TYW1B: variants seen among roughly 807,000 people sequenced by gnomAD.
TYW1B encodes S-adenosyl-L-methionine-dependent tRNA 4-demethylwyosine synthase TYW1B.
Under a neutral mutation model 86.9 loss-of-function variants are expected in TYW1B, and 73 were observed. That is an observed-to-expected ratio of 0.84 (90% CI 0.70 to 1.02). TYW1B has a LOEUF of 1.02. TYW1B is among the 50% of genes least tolerant of loss of function. The pLI, the probability that TYW1B is intolerant of heterozygous loss-of-function variation, is 0.00. For synonymous variants in TYW1B, 248 were observed against 292.8 expected, an observed-to-expected ratio of 0.85 and a Z score of 1.56; for missense variants, 637 against 827.4, an observed-to-expected ratio of 0.77 and a Z score of 2.82.
chr7:72,711,201 G>A (rs569137720), intron 10 of TYW1B, among the ~76,000 whole-genome samples: 2 of 152,200 alleles, frequency 1.3e-5, no homozygotes, highest in African/African-American at 4.8e-5. Context: ...ACTAAGATAG[G>A]GAGGCTAAAA....
intron 13 of TYW1B, among the ~76,000 whole-genome samples, chr7:72,599,952 C>A (rs117547381): frequency 2.0e-4 from 31 of 152,206 alleles, no homozygotes; most frequent in Non-Finnish European, 3.8e-4. Flanking sequence ...TTTTTCCCAA[C>A]TGTGTTTGTA....
intron 11 of TYW1B, among the ~76,000 whole-genome samples, chr7:72,693,633 G>T (rs1253356020): frequency 4.0e-5 from 6 of 151,824 alleles, no homozygotes; most frequent in African/African-American, 1.2e-4. Context: ...GACCTCAAGC[G>T]ATCTGCCCAC....
At chr7:72,684,273 A>G (rs1813950637) in intron 11 of TYW1B, among the ~76,000 whole-genome samples, 2 of 152,164 alleles carry the variant, frequency 1.3e-5, no homozygotes, top group Admixed American at 1.3e-4. Flanking sequence ...AAAACTATAG[A>G]TAAGCATGTA....
chr7:72,752,912 CA>C (rs782668550), intron 7 of TYW1B, among the ~76,000 whole-genome samples: 11 of 151,954 alleles, frequency 7.2e-5, no homozygotes, highest in Non-Finnish European at 4.4e-5. Flanking sequence ...ATTTGATGAT[CA>C]AAACAGAAAA....
intron 13 of TYW1B, among the ~76,000 whole-genome samples, chr7:72,613,397 TC>T (rs1554436295): frequency 2.0e-4 from 27 of 138,114 alleles, no homozygotes; most frequent in African/African-American, 7.2e-4. Context: ...TTACTTTATA[TC>T]TTCTTTTTTT....
chr7:72,602,262 G>A (rs4391306), intron 13 of TYW1B, among the ~76,000 whole-genome samples: 23,109 of 151,680 alleles, frequency 0.15, 2,349 homozygotes, highest in East Asian at 0.55. Flanking sequence ...CTCCAGCGCC[G>A]CTATATACAC....
chr7:72,666,770 A>T (rs1344351236), intron 11 of TYW1B, among the ~76,000 whole-genome samples: 1 of 152,072 alleles, frequency 6.6e-6, no homozygotes, highest in Non-Finnish European at 1.5e-5. Context: ...GGTGGCTCAC[A>T]CCTGTAACCC....
chr7:72,682,292 G>A (rs1405956703), intron 11 of TYW1B, among the ~76,000 whole-genome samples: 2 of 151,716 alleles, frequency 1.3e-5, no homozygotes, highest in Non-Finnish European at 1.5e-5. Context: ...GTTTCAATAC[G>A]TAGTAATGAT....
chr7:72,666,840 G>A (rs1182873462), intron 11 of TYW1B, among the ~76,000 whole-genome samples: 6 of 151,790 alleles, frequency 4.0e-5, no homozygotes, highest in African/African-American at 7.3e-5. Context: ...GACCATCCTG[G>A]CTAACACAGT....
intron 7 of TYW1B, among the ~76,000 whole-genome samples, chr7:72,767,906 T>C (rs1328142731): frequency 2.0e-5 from 3 of 152,032 alleles, no homozygotes; most frequent in African/African-American, 7.2e-5. Context: ...CCTCACACCA[T>C]TCATAAAAAT....
chr7:72,679,861 A>G (rs1813827121), intron 11 of TYW1B, among the ~76,000 whole-genome samples: 1 of 152,218 alleles, frequency 6.6e-6, no homozygotes, highest in South Asian at 2.1e-4. Flanking sequence ...CAGGAGCAGT[A>G]GATCACCTCT....
chr7:72,612,646 T>C (rs1811961823), intron 13 of TYW1B, among the ~76,000 whole-genome samples: 1 of 152,180 alleles, frequency 6.6e-6, no homozygotes, highest in African/African-American at 2.4e-5. Context: ...TGTGAGACTC[T>C]GAAAAGGACA....
intron 7 of TYW1B, among the ~76,000 whole-genome samples, chr7:72,767,594 A>G (rs13307072): frequency 0.69 from 104,696 of 151,768 alleles, 37,087 homozygotes; most frequent in Non-Finnish European, 0.77. Context: ...TGGGTGACAG[A>G]GCAAGACCCC....
At chr7:72,805,998 C>T (rs1788487108) in intron 5 of TYW1B, among the ~76,000 whole-genome samples, 3 of 151,900 alleles carry the variant, frequency 2.0e-5, no homozygotes, top group South Asian at 4.2e-4. Context: ...AAGAGAAATG[C>T]TCAGAATGTG....
intron 11 of TYW1B, among the ~76,000 whole-genome samples, chr7:72,672,684 A>G (rs370357933): frequency 1.8e-4 from 27 of 152,082 alleles, no homozygotes; most frequent in African/African-American, 2.9e-4. Context: ...ACTGCAGGAC[A>G]GTAACTGTAG....
chr7:72,701,878 T>C (rs1449659377), intron 10 of TYW1B, among the ~76,000 whole-genome samples: 3 of 152,180 alleles, frequency 2.0e-5, no homozygotes, highest in African/African-American at 7.2e-5. Context: ...TGTTAGGGAA[T>C]GTTCTCATCA....
intron 2 of TYW1B, among the ~76,000 whole-genome samples, chr7:72,823,388 A>G (rs1788868003): frequency 6.6e-6 from 1 of 151,838 alleles, no homozygotes; most frequent in Admixed American, 6.6e-5. Context: ...TTGGGAGGCC[A>G]AGGCGGGCAG....
Position 72,628,974 on chromosome 7 carries a change from C to T in TYW1B, c.1530G>A (p.Leu510=), listed in dbSNP as rs1554439403. 2.5e-6 allele frequency: 4 copies of T among 1,580,764 alleles called. No individual in the cohort carries two copies. Among genetic ancestry groups the T allele is most frequent in the Non-Finnish European group, 3.4e-6 (4 of 1,163,116 alleles). ...AVKQQRTVYR[L]MLVKAWNVDE... ...CCACGTTCCATGCTTTCACGAGCATCAGTCTGTAGACAGTTCGTTGTTGCT... is the reference window on the plus strand; with the variant it reads ...CCACGTTCCATGCTTTCACGAGCATTAGTCTGTAGACAGTTCGTTGTTGCT... Residue 510 remains leucine, a synonymous_variant, in exon 12 of 14, where the codon CTG becomes CTA. Transcript: ENST00000620995.
intron 13 of TYW1B, among the ~76,000 whole-genome samples, chr7:72,581,943 A>G (rs1554429678): frequency 6.6e-6 from 1 of 151,710 alleles, no homozygotes; most frequent in African/African-American, 2.4e-5. Flanking sequence ...AATTTTTTGT[A>G]TTTTTAGTAG....
Sources: allele counts gnomAD v4.1 joint callset (sites outside exome capture counted in the v4.1 genomes callset), GRCh38; gene constraint gnomAD v4.1.1; transcripts MANE v1.5; gene names NCBI Gene and HGNC (gene_info 2026-07-23, HGNC 2026-07-21).